The following GLIS1 variants were observed in gnomAD, a reference collection of about 807,000 sequenced individuals.
The protein encoded by GLIS1 is zinc finger protein GLIS1.
In GLIS1, 24 loss-of-function variants were observed where a neutral mutation model predicts 63.8. The observed-to-expected ratio is 0.38, with a 90% CI of 0.27 to 0.53. The LOEUF is 0.53. GLIS1 is among the 20% of genes least tolerant of loss of function. The probability of loss-of-function intolerance (pLI) is 0.85; values close to 1 mark genes in which losing one functional copy is unlikely to be tolerated. For synonymous variants in GLIS1, 450 were observed against 482.5 expected, an observed-to-expected ratio of 0.93 and a Z score of 0.88; for missense variants, 1,036 against 1,074.1, an observed-to-expected ratio of 0.96 and a Z score of 0.50.
chr1:53,632,867 T>C (rs921169723), intron 2 of GLIS1, among the ~76,000 whole-genome samples: 1 of 147,252 alleles, frequency 6.8e-6, no homozygotes, highest in Admixed American at 6.7e-5. Flanking sequence ...CCGAGAGGCA[T>C]GTGTATGAGT....
intron 5 of GLIS1, among the ~76,000 whole-genome samples, chr1:53,528,510 AGT>A (rs1295935683): frequency 6.6e-6 from 1 of 152,138 alleles, no homozygotes; most frequent in Non-Finnish European, 1.5e-5. Context: ...AACTGGGGGC[AGT>A]GTGTGTGAGA....
intron 2 of GLIS1, among the ~76,000 whole-genome samples, chr1:53,722,607 G>A (rs112765959): frequency 6.8e-4 from 104 of 152,260 alleles, no homozygotes; most frequent in African/African-American, 2.2e-3. Context: ...TTGGGAAGCC[G>A]AGGTGGGAGT....
chr1:53,636,720 C>G (rs1053412236), intron 2 of GLIS1, among the ~76,000 whole-genome samples: 1 of 152,222 alleles, frequency 6.6e-6, no homozygotes, highest in African/African-American at 2.4e-5. Flanking sequence ...CATCACCTGT[C>G]TTCAGTCTAC....
rs566363720 is a variant in GLIS1, at chr1:53,579,445, G to A, written c.1320+14663C>T. 5.3e-5 allele frequency among the ~76,000 whole-genome samples: 8 copies of A among 152,372 alleles called. No individual in the cohort carries two copies. In the East Asian group the frequency reaches 1.3e-3, roughly 26 times the overall value. On this transcript the variant is annotated intron_variant, in intron 4 of 10. Transcript: ENST00000628545. ...AGACAGCTTTTGAAAGGCTGAAACC[G>A]CTGCTCAGGCTGTGGGAGGGGGATC...
chr1:53,671,701 G>A (rs1646154628), intron 2 of GLIS1, among the ~76,000 whole-genome samples: 1 of 152,206 alleles, frequency 6.6e-6, no homozygotes, highest in Admixed American at 6.5e-5. Flanking sequence ...TGAATGGTAT[G>A]GAAAATGGAA....
intron 4 of GLIS1, among the ~76,000 whole-genome samples, chr1:53,567,926 C>T (rs1196658524): frequency 1.3e-5 from 2 of 152,248 alleles, no homozygotes; most frequent in African/African-American, 4.8e-5. Flanking sequence ...CCTTCATGGA[C>T]AACCTCTATT....
intron 8 of GLIS1, among the ~76,000 whole-genome samples, chr1:53,514,120 G>GATC: frequency 6.6e-6 from 1 of 152,354 alleles, no homozygotes; most frequent in Middle Eastern, 3.4e-3. Flanking sequence ...TCTCCACAGT[G>GATC]ATCCTGAAGT....
intron 2 of GLIS1, among the ~76,000 whole-genome samples, chr1:53,664,886 A>G (rs995644187): frequency 3.9e-5 from 6 of 152,150 alleles, no homozygotes; most frequent in Non-Finnish European, 7.4e-5. Context: ...CAAAAAGTGC[A>G]AAGGCCCTGG....
intron 2 of GLIS1, 87 bp downstream of exon 2, chr1:53,737,719 C>G (rs1570123812): frequency 2.5e-6 from 3 of 1,197,484 alleles, no homozygotes; most frequent in Non-Finnish European, 3.1e-6. Context: ...GAAAGTTCCA[C>G]CAAGCTCTCC....
chr1:53,705,469 G>T (rs561548156), intron 2 of GLIS1, among the ~76,000 whole-genome samples: 2 of 152,188 alleles, frequency 1.3e-5, no homozygotes, highest in Non-Finnish European at 2.9e-5. Context: ...GAGTTGGAGC[G>T]GGGAGGAATC....
chr1:53,707,330 G>GTTC (rs1646590102), intron 2 of GLIS1, among the ~76,000 whole-genome samples: 1 of 152,182 alleles, frequency 6.6e-6, no homozygotes, highest in Non-Finnish European at 1.5e-5. Context: ...ACAACAACAT[G>GTTC]TTCTGTTGCA....
chr1:53,593,036 C>T (rs1431466727), intron 4 of GLIS1, among the ~76,000 whole-genome samples: 1 of 152,262 alleles, frequency 6.6e-6, no homozygotes, highest in African/African-American at 2.4e-5. Flanking sequence ...TATGCCCCTT[C>T]CCAGACCAAG....
rs772392071 is a variant in GLIS1 at position 53,520,677 on chromosome 1, G to T, written c.1683C>A (p.Ser561Arg). 6 of 1,610,022 alleles carry T rather than the reference G, an allele frequency of 3.7e-6. No individual in the cohort carries two copies. In the African/African-American group the frequency reaches 8.0e-5, roughly 21 times the overall value. Residue 561 changes from serine to arginine, a missense_variant, in exon 7 of 11, where the codon AGC (serine) becomes AGA (arginine). By Grantham distance (110) the Ser-to-Arg change is moderately radical. This residue lies in a region of GLIS1 where 400 missense variants were observed against 400.9 expected (regional missense o/e 1.00). Transcript: ENST00000628545. ...CCAGGCCACAGCCACCCTTGCCGTC[G>T]CTGGCAGCCAGCTGTGTGGACGTGT... ...QLHTSTQLAA[S>R]DGKGGCGLGQ...
intron 2 of GLIS1, among the ~76,000 whole-genome samples, chr1:53,632,177 G>A (rs1163615541): frequency 6.8e-6 from 1 of 147,828 alleles, no homozygotes; most frequent in Non-Finnish European, 1.5e-5. Flanking sequence ...TGAGGGGTAT[G>A]TGAATGAGTG....
At position 53,506,726 on chromosome 1, in the gene GLIS1, G is replaced by T; in HGVS notation, c.2281C>A (p.Pro761Thr). 1 of 1,613,144 alleles carries T rather than the reference G, an allele frequency of 6.2e-7. No homozygotes were observed. Residue 761 changes from proline (P) to threonine (T), a missense_variant, in exon 11 of 11, where the codon CCA becomes ACA. By Grantham distance (38) the Pro-to-Thr change is conservative. Coordinates refer to ENST00000628545, the MANE Select transcript of GLIS1 (RefSeq NM_001367484.1). ...CCGCTGGACACCACATCTTCAGATG[G>T]CTGCTGTGGCAGCGCTGTGGGGCAT... ...ASCPTALPQQ[P>T]SEDVVSSGPE...
chr1:53,645,073 G>A (rs1411335301), intron 2 of GLIS1, among the ~76,000 whole-genome samples: 2 of 152,158 alleles, frequency 1.3e-5, no homozygotes, highest in African/African-American at 2.4e-5. Context: ...ACAAACGCAC[G>A]CCAGCCACAC....
In GLIS1 at chr1:53,600,258, G is replaced by A. The variant is rs116307745; in HGVS notation, c.280C>T (p.Arg94Cys). 174 of 1,232,070 alleles carry A rather than the reference G, an allele frequency of 1.4e-4. 3 individuals are homozygous for A. In the African/African-American group the frequency reaches 2.2e-3, roughly 16 times the overall value. The allele number at this position is 1,232,070 out of a possible 1,614,324, so 76.3% of individuals were successfully genotyped here. A position where few individuals can be genotyped will look rare whatever the true frequency, so the allele number is the denominator to read the frequency against. ...AGGCTCTTCTCTGAGCCCGGGGTACGGTGTCCGTAGCTCCCATTCACTAGG... is the reference window on the plus strand; with the variant it reads ...AGGCTCTTCTCTGAGCCCGGGGTACAGTGTCCGTAGCTCCCATTCACTAGG... ...AGKVNGSYGH[R>C]TPGSEKSLLD... Residue 94 changes from arginine to cysteine, a missense_variant, in exon 3 of 11, where the codon CGT (arginine) becomes TGT (cysteine). This residue lies in a region of GLIS1 where 592 missense variants were observed against 593.9 expected (regional missense o/e 1.00). Transcript: ENST00000628545.
chr1:53,661,649 G>GTTGA (rs750001143), intron 2 of GLIS1, among the ~76,000 whole-genome samples: 7 of 152,140 alleles, frequency 4.6e-5, no homozygotes, highest in Non-Finnish European at 8.8e-5. Flanking sequence ...GACTCCTTAA[G>GTTGA]GTCAAGCAGG....
At chr1:53,623,349 T>C (rs1281969356) in intron 2 of GLIS1, among the ~76,000 whole-genome samples, 7 of 152,164 alleles carry the variant, frequency 4.6e-5, no homozygotes, top group Non-Finnish European at 7.4e-5. Flanking sequence ...TACCCACTGA[T>C]GATTAAAATT....
Sources: gnomAD v4.1 joint callset for allele counts (sites outside exome capture counted in the v4.1 genomes callset) on GRCh38, gnomAD v4.1.1 for gene constraint, gnomAD v4.1.1 regional missense constraint, MANE v1.5 for transcripts, NCBI Gene and HGNC (gene_info 2026-07-23, HGNC 2026-07-21) for gene names.